NXPE2: variants seen among roughly 807,000 people sequenced by gnomAD.
The protein encoded by NXPE2 is NXPE family member 2.
Under a neutral mutation model 34.4 loss-of-function variants are expected in NXPE2, and 34 were observed. That is an observed-to-expected ratio of 0.99 (90% CI 0.75 to 1.31). The LOEUF (loss-of-function observed/expected upper bound fraction) is 1.31, where lower values mean the gene tolerates loss of function less well. Among genes scored for constraint, NXPE2 ranks in the 40% most tolerant of loss-of-function variants. The probability of loss-of-function intolerance (pLI) is 0.00; values close to 1 mark genes in which losing one functional copy is unlikely to be tolerated. For synonymous variants in NXPE2, 235 were observed against 231.3 expected (o/e 1.02, Z -0.15); for missense variants, 649 against 672.5 (o/e 0.97, Z 0.39).
At chr11:114,764,018 A>G in the NXPE2 span, among the ~76,000 whole-genome samples, 4 of 152,170 alleles carry the variant, frequency 2.6e-5, no homozygotes, top group Non-Finnish European at 4.4e-5. Context: ...TTTACCAGTA[A>G]TCTCAGGGAA....
chr11:114,527,860 A>G, the NXPE2 span: 4 of 1,607,612 alleles, frequency 2.5e-6, no homozygotes, highest in Admixed American at 5.1e-5. Context: ...AGTGACATCA[A>G]TGTGTTTACG....
At chr11:114,592,514 A>AAC in the NXPE2 span, among the ~76,000 whole-genome samples, 1,498 of 151,082 alleles carry the variant, frequency 9.9e-3, 23 homozygotes, top group African/African-American at 0.033. Context: ...GAAATTGGAG[A>AAC]ACACACACAC....
chr11:114,598,910 T>C, the NXPE2 span, among the ~76,000 whole-genome samples: 1 of 152,362 alleles, frequency 6.6e-6, no homozygotes, highest in Middle Eastern at 3.4e-3. Context: ...TGCACTCTTT[T>C]TGCATTTGGC....
At chr11:114,521,700 A>G in the NXPE2 span, 1 of 371,898 alleles carries the variant, frequency 2.7e-6, no homozygotes, top group Non-Finnish European at 4.8e-6. Context: ...ATATTTTCAA[A>G]TCAGCTTAAT....
the NXPE2 span, among the ~76,000 whole-genome samples, chr11:114,726,601 G>A: frequency 6.6e-6 from 1 of 152,066 alleles, no homozygotes; most frequent in Non-Finnish European, 1.5e-5. Flanking sequence ...GACAGGCTGA[G>A]AATTTCAAAA....
the NXPE2 span, among the ~76,000 whole-genome samples, chr11:114,796,653 T>C: frequency 6.6e-6 from 1 of 152,246 alleles, no homozygotes. Flanking sequence ...AAGAACCTAA[T>C]GAGTGCCAGG....
the NXPE2 span, among the ~76,000 whole-genome samples, chr11:114,654,248 C>T: frequency 6.6e-6 from 1 of 152,030 alleles, no homozygotes; most frequent in Non-Finnish European, 1.5e-5. Flanking sequence ...CCCTCAGGAG[C>T]TTTGAATGAA....
At chr11:114,735,428 A>G in the NXPE2 span, among the ~76,000 whole-genome samples, 1 of 152,144 alleles carries the variant, frequency 6.6e-6, no homozygotes, top group Non-Finnish European at 1.5e-5. Flanking sequence ...TCAAATCTAG[A>G]AATCACTAGC....
chr11:114,624,273 C>T, the NXPE2 span, among the ~76,000 whole-genome samples: 1 of 151,924 alleles, frequency 6.6e-6, no homozygotes, highest in Admixed American at 6.6e-5. Context: ...ATAAATATTG[C>T]CTCGTGAGTA....
the NXPE2 span, among the ~76,000 whole-genome samples, chr11:114,605,368 A>G: frequency 5.9e-5 from 9 of 151,788 alleles, no homozygotes; most frequent in South Asian, 1.9e-3. Context: ...TACCTGCTGC[A>G]TAATAAGTAT....
chr11:114,528,019 A>T, the NXPE2 span: 1 of 645,312 alleles, frequency 1.5e-6, no homozygotes, highest in South Asian at 2.4e-5. Context: ...AGCTGTTATT[A>T]TTGTTGTAAA....
At chr11:114,786,358 C>CCCA in the NXPE2 span, among the ~76,000 whole-genome samples, 1 of 122,118 alleles carries the variant, frequency 8.2e-6, no homozygotes, top group Non-Finnish European at 1.7e-5. Context: ...TCTTTCTACC[C>CCCA]CCGCCCCCCG....
the NXPE2 span, among the ~76,000 whole-genome samples, chr11:114,613,722 G>C: frequency 6.6e-6 from 1 of 151,848 alleles, no homozygotes. Context: ...CAGGTAATAA[G>C]TGTTGTCTCA....
At chr11:114,767,030 G>A in the NXPE2 span, among the ~76,000 whole-genome samples, 2 of 151,854 alleles carry the variant, frequency 1.3e-5, no homozygotes, top group African/African-American at 4.8e-5. Context: ...GAGTAATTTG[G>A]TCCCAGAAAG....
the NXPE2 span, among the ~76,000 whole-genome samples, chr11:114,629,015 T>C: frequency 2.0e-5 from 3 of 152,018 alleles, no homozygotes; most frequent in African/African-American, 7.2e-5. Flanking sequence ...GGCTCTGAAA[T>C]TGTGGCAATA....
the NXPE2 span, among the ~76,000 whole-genome samples, chr11:114,589,960 T>C: frequency 6.6e-6 from 1 of 152,200 alleles, no homozygotes; most frequent in Non-Finnish European, 1.5e-5. Context: ...GGGAACTAAA[T>C]GGTTTACAGT....
At chr11:114,787,697 AGATGC>A in the NXPE2 span, among the ~76,000 whole-genome samples, 1 of 152,216 alleles carries the variant, frequency 6.6e-6, no homozygotes, top group Non-Finnish European at 1.5e-5. Flanking sequence ...AGGGAAATAC[AGATGC>A]TACTATGTAT....
chr11:114,536,213 G>A, the NXPE2 span, among the ~76,000 whole-genome samples: 9 of 152,060 alleles, frequency 5.9e-5, no homozygotes, highest in Non-Finnish European at 8.8e-5. Flanking sequence ...AGGCAGAAAT[G>A]AAGATGTTCT....
chr11:114,612,034 G>C, the NXPE2 span, among the ~76,000 whole-genome samples: 1 of 151,930 alleles, frequency 6.6e-6, no homozygotes, highest in Non-Finnish European at 1.5e-5. Context: ...CTGTTACCTG[G>C]TGGATAAGAA....
Sources: allele counts gnomAD v4.1 joint callset (sites outside exome capture counted in the v4.1 genomes callset), GRCh38; gene constraint gnomAD v4.1.1; transcripts MANE v1.5; gene names NCBI Gene and HGNC (gene_info 2026-07-23, HGNC 2026-07-21).